OLFM1: variants seen among roughly 807,000 people sequenced by gnomAD.
The protein encoded by OLFM1 is noelin.
Under a neutral mutation model 49.7 loss-of-function variants are expected in OLFM1, and 9 were observed. That is an observed-to-expected ratio of 0.18 (90% confidence interval 0.11 to 0.32). OLFM1 has a LOEUF of 0.32. Ranked by LOEUF, OLFM1 falls within the 10% of genes least tolerant of loss-of-function variation. OLFM1 has a pLI of 1.00. For synonymous variants in OLFM1, 240 were observed against 271.8 expected (o/e 0.88, Z 1.15); for missense variants, 369 against 661.8 (o/e 0.56, Z 4.85).
upstream of OLFM1, among the ~76,000 whole-genome samples, chr9:135,082,737 C>T (rs540212744): frequency 5.9e-5 from 9 of 152,242 alleles, no homozygotes; most frequent in South Asian, 2.1e-4. Flanking sequence ...GGGGTGTTGA[C>T]GGACCCAGGG....
chr9:135,095,128 G>A (rs1830769480), intron 2 of OLFM1: 1 of 152,164 alleles, frequency 6.6e-6, no homozygotes, highest in African/African-American at 2.4e-5. Context: ...CCATCTTGAG[G>A]CTAGACTCAA....
At chr9:135,116,679 A>G (rs530943072) in intron 5 of OLFM1, among the ~76,000 whole-genome samples, 2 of 152,156 alleles carry the variant, frequency 1.3e-5, no homozygotes, top group Admixed American at 1.3e-4. Context: ...TGAGTTTCAG[A>G]AGCAGTGAGC....
intron 2 of OLFM1, 38 bp downstream of exon 2, chr9:135,090,382 GTGTT>G (rs771182454): frequency 1.1e-5 from 17 of 1,535,822 alleles, no homozygotes; most frequent in East Asian, 4.8e-5. Context: ...GTATGTGTGT[GTGTT>G]TGTGTGTGTG....
At chr9:135,112,078 C>A in intron 5 of OLFM1, among the ~76,000 whole-genome samples, 1 of 152,310 alleles carries the variant, frequency 6.6e-6, no homozygotes, top group East Asian at 1.9e-4. Flanking sequence ...GCACAGGGGG[C>A]TCTCAGCATA....
chr9:135,108,207 A>T (rs1452571231), intron 5 of OLFM1, among the ~76,000 whole-genome samples: 1 of 151,996 alleles, frequency 6.6e-6, no homozygotes, highest in African/African-American at 2.4e-5. Flanking sequence ...AGCTGTGAAG[A>T]CTCTGACCAC....
intron 5 of OLFM1, among the ~76,000 whole-genome samples, chr9:135,110,755 C>T (rs1449589914): frequency 6.6e-6 from 1 of 152,196 alleles, no homozygotes; most frequent in African/African-American, 2.4e-5. Context: ...CCAGCATCCC[C>T]CCCACCTCTT....
At chr9:135,099,878 G>A (rs1830847378) in intron 4 of OLFM1, among the ~76,000 whole-genome samples, 1 of 152,034 alleles carries the variant, frequency 6.6e-6, no homozygotes, top group Non-Finnish European at 1.5e-5. Flanking sequence ...GTTGGTGTGA[G>A]TGTTTGACTT....
chr9:135,108,199 C>G (rs1396191140), intron 5 of OLFM1, among the ~76,000 whole-genome samples: 1 of 152,210 alleles, frequency 6.6e-6, no homozygotes, highest in African/African-American at 2.4e-5. Context: ...ATTTAATTAG[C>G]TGTGAAGACT....
At position 135,098,800 on chromosome 9, in the gene OLFM1, G is replaced by A. The variant is rs567760344; in HGVS notation, c.676+295G>A. ...CAGATTGTGTGTGTGTGTGTGAATC[G>A]TATGTGTGTGTGCATTGAAGACACC... On this transcript the variant is annotated intron_variant, in intron 4 of 5. Transcript: ENST00000371793. This position sits in a 1 kb window ranked among gnomAD's most constrained non-coding sequence, Gnocchi z 5.6. Among the ~76,000 whole-genome samples the A allele has an allele frequency of 1.3e-5, 2 of 152,310 alleles. No homozygotes were observed. The highest frequency in any genetic ancestry group is 4.8e-5 in the African/African-American group (2 of 41,572).
At chr9:135,096,235 T>C (rs1391826019) in intron 3 of OLFM1, among the ~76,000 whole-genome samples, 10 of 96,620 alleles carry the variant, frequency 1.0e-4, no homozygotes, top group Middle Eastern at 6.1e-3. Flanking sequence ...TCCCTCTCCT[T>C]CTTCTCCTCC....
exon 1 of OLFM1, chr9:135,075,781 G>A: frequency 6.2e-7 from 1 of 1,606,842 alleles, no homozygotes; most frequent in Non-Finnish European, 8.5e-7. Context: ...TCCTCATCCT[G>A]ATGGGCACTG....
rs559101361 is a variant in OLFM1 at position 135,113,907 on chromosome 9, G to A, written c.784-5597G>A. On this transcript the variant is annotated intron_variant, in intron 5 of 5. Coordinates refer to ENST00000371793, the MANE Select transcript of OLFM1 (RefSeq NM_001282611.2). The surrounding 1 kb of genome is among the most constrained non-coding windows in gnomAD (Gnocchi z 4.0). Reference sequence around the variant, plus strand: ...GAGGCTGGAAGCCCCAGACCAGGGCGCCTGCAGGGCTGCGCTCTGAAGATG... The same window carrying A: ...GAGGCTGGAAGCCCCAGACCAGGGCACCTGCAGGGCTGCGCTCTGAAGATG... Among the ~76,000 whole-genome samples the A allele has an allele frequency of 9.3e-4, 142 of 152,280 alleles. 1 individual carries two copies. The Middle Eastern group carries it at 0.014, about 15-fold the overall frequency.
intron 3 of OLFM1, chr9:135,097,862 G>A: frequency 6.2e-7 from 1 of 1,605,494 alleles, no homozygotes; most frequent in African/African-American, 1.3e-5. Flanking sequence ...GAGAGCCAGA[G>A]AGCTTTTTGC....
In OLFM1 at chr9:135,098,879, G is replaced by T. The variant is rs1238345468; in HGVS notation, c.676+374G>T. Among the ~76,000 whole-genome samples, 2 of 152,242 alleles carry T rather than the reference G, an allele frequency of 1.3e-5. No homozygotes were observed. The highest frequency in any genetic ancestry group is 2.1e-4 in the South Asian group (1 of 4,836). On this transcript the variant is annotated intron_variant, in intron 4 of 5. Coordinates refer to ENST00000371793, the MANE Select transcript of OLFM1 (RefSeq NM_001282611.2). The surrounding 1 kb of genome is among the most constrained non-coding windows in gnomAD (Gnocchi z 5.6). ...AGATTCCTCCGGATTGAGAACGGGG[G>T]CTGGTGGAGCTCCTGAAATATTGAA...
intron 5 of OLFM1, among the ~76,000 whole-genome samples, chr9:135,112,435 A>G (rs1267767203): frequency 2.0e-5 from 3 of 152,330 alleles, no homozygotes; most frequent in East Asian, 1.9e-4. Flanking sequence ...GCGTGGAGCC[A>G]TGGCCCCTCA....
At chr9:135,093,020 C>G (rs1455235273) in intron 2 of OLFM1, among the ~76,000 whole-genome samples, 1 of 152,218 alleles carries the variant, frequency 6.6e-6, no homozygotes, top group East Asian at 1.9e-4. Context: ...AGCCCATGTG[C>G]CCTGTTGATA....
intron 4 of OLFM1, among the ~76,000 whole-genome samples, chr9:135,103,177 G>A (rs576369586): frequency 2.0e-4 from 31 of 152,302 alleles, no homozygotes; most frequent in African/African-American, 6.7e-4. Context: ...CAGGAAGCCC[G>A]GCCAGCCCTC....
intron 1 of OLFM1, among the ~76,000 whole-genome samples, chr9:135,081,620 C>A (rs887589281): frequency 2.6e-5 from 4 of 152,138 alleles, no homozygotes; most frequent in Non-Finnish European, 5.9e-5. Context: ...TTAGGGGTTA[C>A]GTAGGCAGCC....
chr9:135,098,536 T>A lies in OLFM1; in HGVS notation c.676+31T>A. 6.4e-7 allele frequency: 1 copy of A among 1,573,982 alleles called. No homozygotes were observed. The highest frequency in any genetic ancestry group is 2.2e-5 in the East Asian group (1 of 44,688). ...CCCAGTACCCTGCGGGACGTGGCGC[T>A]GCACTGCCCACCTCCGGCACACGCA... On this transcript the variant is annotated intron_variant, in intron 4 of 5. Transcript: ENST00000371793. This position sits in a 1 kb window ranked among gnomAD's most constrained non-coding sequence, Gnocchi z 5.6.
Sources: allele counts gnomAD v4.1 joint callset (sites outside exome capture counted in the v4.1 genomes callset), GRCh38; gene constraint gnomAD v4.1.1; non-coding constraint Gnocchi (gnomAD v3.1); transcripts MANE v1.5; gene names NCBI Gene and HGNC (gene_info 2026-07-23, HGNC 2026-07-21).